RIMS2: variants seen among roughly 807,000 people sequenced by gnomAD.
RIMS2 encodes regulating synaptic membrane exocytosis protein 2.
In RIMS2, 59 loss-of-function variants were observed where a neutral mutation model predicts 174.4. The ratio of observed to expected loss-of-function variants is 0.34; its 90% CI spans 0.27 to 0.42. RIMS2 has a LOEUF of 0.42. Ranked by LOEUF, RIMS2 falls within the 10% of genes least tolerant of loss-of-function variation. RIMS2 has a pLI of 1.00. For missense variants in RIMS2, 1,620 were observed against 1,666.3 expected (o/e 0.97, Z 0.48); for synonymous variants, 606 against 572.5 (o/e 1.06, Z -0.84).
At chr8:104,205,495 CTG>C (rs55980964) in intron 19 of RIMS2, among the ~76,000 whole-genome samples, 7 of 150,882 alleles carry the variant, frequency 4.6e-5, no homozygotes, top group African/African-American at 1.5e-4. Flanking sequence ...TGTGAAGTGT[CTG>C]TGTGTGTGTG....
chr8:103,994,606 G>A (rs1427425427), intron 17 of RIMS2, among the ~76,000 whole-genome samples: 1 of 152,096 alleles, frequency 6.6e-6, no homozygotes, highest in Admixed American at 6.6e-5. Context: ...ATGTTTTAAG[G>A]TTGTACCAAG....
intron 2 of RIMS2, among the ~76,000 whole-genome samples, chr8:103,740,855 A>T (rs73291806): frequency 0.018 from 2,763 of 152,204 alleles, 76 homozygotes; most frequent in African/African-American, 0.062. Flanking sequence ...ACTTTTTTTA[A>T]CAATTGAAAG....
At chr8:103,935,813 G>A (rs2081106625) in intron 12 of RIMS2, among the ~76,000 whole-genome samples, 1 of 152,002 alleles carries the variant, frequency 6.6e-6, no homozygotes. Context: ...ATTATTTTTG[G>A]TTTCTGTTTT....
intron 1 of RIMS2, among the ~76,000 whole-genome samples, chr8:103,693,026 TG>T (rs1216417702): frequency 6.6e-6 from 1 of 152,176 alleles, no homozygotes; most frequent in Non-Finnish European, 1.5e-5. Flanking sequence ...CTCATGGTGA[TG>T]GGGCTTACCT....
chr8:104,256,008 G>T (rs771816588), downstream of RIMS2: 3 of 152,120 alleles, frequency 2.0e-5, no homozygotes, highest in East Asian at 5.8e-4. Flanking sequence ...TAACTAAAAC[G>T]TAAGCTCCTT....
intron 19 of RIMS2, among the ~76,000 whole-genome samples, chr8:104,110,343 A>C (rs1388064701): frequency 3.3e-5 from 5 of 152,188 alleles, no homozygotes; most frequent in African/African-American, 1.2e-4. Flanking sequence ...AAACTCTTTC[A>C]GCCTTATATA....
chr8:103,547,866 G>A (rs749553442), intron 1 of RIMS2, among the ~76,000 whole-genome samples: 2 of 152,176 alleles, frequency 1.3e-5, no homozygotes, highest in African/African-American at 2.4e-5. Flanking sequence ...AAAACCTTCA[G>A]AAACTATGAT....
intron 1 of RIMS2, among the ~76,000 whole-genome samples, chr8:103,589,104 T>G (rs2094123300): frequency 6.6e-6 from 1 of 151,684 alleles, no homozygotes; most frequent in South Asian, 2.1e-4. Flanking sequence ...GGAAAGAAGA[T>G]GGCAAATTAT....
chr8:104,125,761 T>C (rs1301294395), intron 19 of RIMS2, among the ~76,000 whole-genome samples: 1 of 152,204 alleles, frequency 6.6e-6, no homozygotes, highest in Non-Finnish European at 1.5e-5. Context: ...TGTATGGTAT[T>C]CTTGGTGACA....
chr8:104,182,784 T>C (rs1348433995), intron 19 of RIMS2, among the ~76,000 whole-genome samples: 1 of 151,796 alleles, frequency 6.6e-6, no homozygotes, highest in Non-Finnish European at 1.5e-5. Context: ...ATCGGTTTTA[T>C]AGGTGTGCAT....
chr8:104,125,544 G>A (rs539593620), intron 19 of RIMS2, among the ~76,000 whole-genome samples: 37 of 152,272 alleles, frequency 2.4e-4, no homozygotes, highest in African/African-American at 8.9e-4. Context: ...CTTGAGTAAA[G>A]TGTTAGTAAA....
intron 19 of RIMS2, among the ~76,000 whole-genome samples, chr8:104,018,781 AT>A (rs2095999338): frequency 6.6e-6 from 1 of 151,988 alleles, no homozygotes; most frequent in Non-Finnish European, 1.5e-5. Context: ...GACCATGATC[AT>A]TTTTTCCATT....
intron 17 of RIMS2, among the ~76,000 whole-genome samples, chr8:103,994,159 G>A (rs760253476): frequency 1.3e-5 from 2 of 151,760 alleles, no homozygotes; most frequent in Admixed American, 6.6e-5. Context: ...CATTTTTGCA[G>A]TTCTTTTTTG....
intron 2 of RIMS2, among the ~76,000 whole-genome samples, chr8:103,726,755 C>A (rs1172113694): frequency 6.8e-6 from 1 of 147,816 alleles, no homozygotes; most frequent in African/African-American, 2.5e-5. Flanking sequence ...ATTTTTGAGA[C>A]AGAGTCTCGC....
At chr8:103,954,049 G>T (rs935818978) in intron 14 of RIMS2, among the ~76,000 whole-genome samples, 2 of 152,132 alleles carry the variant, frequency 1.3e-5, no homozygotes, top group African/African-American at 4.8e-5. Flanking sequence ...AACAAGAAGA[G>T]CTAACTATTC....
At position 103,532,530 on chromosome 8, in the gene RIMS2, C is replaced by A. The variant is rs138400070; in HGVS notation, c.176+31468C>A. Among the ~76,000 whole-genome samples the A allele has an allele frequency of 3.9e-5, 6 of 152,252 alleles. No homozygotes were observed. In the East Asian group the frequency reaches 1.2e-3, roughly 29 times the overall value. ...AGAATGGCCTTTACATGTTTAAATG[C>A]TTTTAAAAAGTCAAAAGGATACGAC... On this transcript the variant is annotated intron_variant, in intron 1 of 23. Transcript: ENST00000504942.
At chr8:103,558,248 T>G (rs546913893) in intron 1 of RIMS2, among the ~76,000 whole-genome samples, 4 of 151,912 alleles carry the variant, frequency 2.6e-5, no homozygotes, top group Non-Finnish European at 5.9e-5. Flanking sequence ...TGAGACAGAG[T>G]CTTGCTCTGC....
intron 19 of RIMS2, among the ~76,000 whole-genome samples, chr8:104,200,170 A>G (rs1410771331): frequency 6.6e-6 from 1 of 152,108 alleles, no homozygotes; most frequent in African/African-American, 2.4e-5. Flanking sequence ...ATGAAGAGAA[A>G]TAAGAAATGA....
At chr8:103,656,397 A>G (rs990890312) in intron 1 of RIMS2, among the ~76,000 whole-genome samples, 1 of 152,262 alleles carries the variant, frequency 6.6e-6, no homozygotes. Flanking sequence ...AGAAAAATGC[A>G]TAAAATAACC....
Sources: allele counts gnomAD v4.1 joint callset (sites outside exome capture counted in the v4.1 genomes callset), GRCh38; gene constraint gnomAD v4.1.1; transcripts MANE v1.5; gene names NCBI Gene and HGNC (gene_info 2026-07-23, HGNC 2026-07-21).